Variants in VWC2 observed in about 807,000 individuals in gnomAD.
VWC2 encodes the protein von Willebrand factor C domain containing 2, also known as brorin.
A neutral mutation model predicts 29.8 loss-of-function variants in VWC2; 14 were observed. That is an observed-to-expected ratio of 0.47 (90% CI 0.31 to 0.74). The LOEUF is 0.74. Among genes scored for constraint, VWC2 ranks in the 30% least tolerant of loss-of-function variants. The pLI is 0.05. For synonymous variants in VWC2, 213 were observed against 199.0 expected (o/e 1.07, Z -0.59); for missense variants, 457 against 459.8 (o/e 0.99, Z 0.05).
chr7:49,838,212 CG>C (rs1189108179), intron 3 of VWC2, among the ~76,000 whole-genome samples: 2 of 152,176 alleles, frequency 1.3e-5, no homozygotes, highest in Non-Finnish European at 2.9e-5. Context: ...ACCTCAGTAA[CG>C]TAAGTACATG....
At chr7:49,793,574 T>G (rs1219748437) in intron 2 of VWC2, among the ~76,000 whole-genome samples, 1 of 149,598 alleles carries the variant, frequency 6.7e-6, no homozygotes, top group Non-Finnish European at 1.5e-5. Flanking sequence ...TATATATTCT[T>G]TTGCAACTTT....
rs1789177508 is a variant in VWC2 at position 49,817,665 on chromosome 7, C to T, written c.826+14825C>T. Among the ~76,000 whole-genome samples the T allele has an allele frequency of 1.3e-5, 2 of 152,186 alleles. 1 individual carries two copies. The highest frequency in any genetic ancestry group is 4.1e-4 in the South Asian group (2 of 4,836). ...ACTTCAGGTATAAAAGAGTCCATTA[C>T]CCCAGGAGGTATCCATAAACCTCCA... is the stretch of plus-strand genomic sequence containing the variant. On this transcript the variant is annotated intron_variant, in intron 3 of 3. Coordinates refer to ENST00000340652, the MANE Select transcript of VWC2 (RefSeq NM_198570.5).
chr7:49,853,187 T>C (rs2128717298), intron 3 of VWC2, among the ~76,000 whole-genome samples: 1 of 152,326 alleles, frequency 6.6e-6, no homozygotes, highest in Non-Finnish European at 1.5e-5. Flanking sequence ...GGATCCCAGT[T>C]TGAAGGTGAG....
intron 2 of VWC2, 91 bp from the exon 3 acceptor site, chr7:49,802,619 CA>C (rs1278716480): frequency 6.5e-7 from 1 of 1,534,192 alleles, no homozygotes; most frequent in African/African-American, 1.4e-5. Context: ...GTGTGAGCGA[CA>C]GAGCGAGACT....
intron 2 of VWC2, among the ~76,000 whole-genome samples, chr7:49,783,657 T>C (rs1384049541): frequency 6.6e-6 from 1 of 152,198 alleles, no homozygotes; most frequent in African/African-American, 2.4e-5. Flanking sequence ...ATAGACTGCC[T>C]TTCAAATCTG....
chr7:49,836,566 G>A lies in VWC2; in HGVS notation c.826+33726G>A, dbSNP rs149671564. ...AGGCAGGAGAATTGCTTGAACTCCAGAGGCGGAGGTTTCAATGAGCTGAGA... is the reference window on the plus strand; with the variant it reads ...AGGCAGGAGAATTGCTTGAACTCCAAAGGCGGAGGTTTCAATGAGCTGAGA... On this transcript the variant is annotated intron_variant, in intron 3 of 3. Coordinates refer to ENST00000340652, the MANE Select transcript of VWC2 (RefSeq NM_198570.5). Among the ~76,000 whole-genome samples the A allele has an allele frequency of 5.1e-3, 772 of 151,442 alleles. 6 individuals carry two copies. Among genetic ancestry groups the A allele is most frequent in the African/African-American group, 0.017 (715 of 41,240 alleles).
chr7:49,790,508 C>T (rs1022913610), intron 2 of VWC2, among the ~76,000 whole-genome samples: 2 of 152,166 alleles, frequency 1.3e-5, no homozygotes, highest in Non-Finnish European at 2.9e-5. Flanking sequence ...TCTCTCTGTC[C>T]TTAGTTTCTG....
At chr7:49,804,352 G>C (rs559897155) in intron 3 of VWC2, among the ~76,000 whole-genome samples, 7 of 151,996 alleles carry the variant, frequency 4.6e-5, no homozygotes, top group Admixed American at 4.6e-4. Flanking sequence ...CAGCACACCC[G>C]CTGAGGAGCC....
chr7:49,851,935 GT>G (rs1790195940), intron 3 of VWC2, among the ~76,000 whole-genome samples: 1 of 152,132 alleles, frequency 6.6e-6, no homozygotes, highest in Non-Finnish European at 1.5e-5. Flanking sequence ...CTAAAGTTCA[GT>G]GGGCTCTTTC....
intron 3 of VWC2, among the ~76,000 whole-genome samples, chr7:49,857,072 AT>A (rs1401447104): frequency 1.4e-5 from 2 of 142,588 alleles, no homozygotes; most frequent in African/African-American, 2.5e-5. Flanking sequence ...TTCTTAACAA[AT>A]TTTTAGGTGC....
At chr7:49,800,535 T>C (rs1481786757) in intron 2 of VWC2, among the ~76,000 whole-genome samples, 3 of 152,088 alleles carry the variant, frequency 2.0e-5, no homozygotes, top group African/African-American at 4.8e-5. Flanking sequence ...CTGATCTCTA[T>C]AGGGGGATGG....
rs1349495927 is a variant in VWC2 at position 49,831,441 on chromosome 7, T to G, written c.826+28601T>G. Among the ~76,000 whole-genome samples the G allele has an allele frequency of 4.6e-5, 7 of 152,306 alleles. No homozygotes were observed. In the East Asian group the frequency reaches 1.4e-3, roughly 29 times the overall value. On this transcript the variant is annotated intron_variant, in intron 3 of 3. Transcript: ENST00000340652. ...ACTAACCTGGAGAACATGTAGGGAC[T>G]TCAGGGGAGAAATATTATGATACTT...
intron 3 of VWC2, among the ~76,000 whole-genome samples, chr7:49,868,767 G>A (rs1376963662): frequency 1.3e-5 from 2 of 152,134 alleles, no homozygotes; most frequent in African/African-American, 4.8e-5. Context: ...ACAGGCGTGT[G>A]CCACCATGCC....
At chr7:49,780,354 CA>C (rs1788147423) in intron 2 of VWC2, among the ~76,000 whole-genome samples, 2 of 152,108 alleles carry the variant, frequency 1.3e-5, no homozygotes, top group Non-Finnish European at 2.9e-5. Flanking sequence ...CTGTATTGAG[CA>C]GTTGTAAATT....
chr7:49,809,961 G>A (rs1255731822), intron 3 of VWC2, among the ~76,000 whole-genome samples: 4 of 151,912 alleles, frequency 2.6e-5, no homozygotes, highest in Admixed American at 2.0e-4. Context: ...AGAAGGTAAG[G>A]ATATCCATAT....
At chr7:49,842,482 G>A (rs1789821294) in intron 3 of VWC2, among the ~76,000 whole-genome samples, 2 of 152,164 alleles carry the variant, frequency 1.3e-5, no homozygotes, top group African/African-American at 4.8e-5. Context: ...GAGAGTAAAT[G>A]AGATTAAGAA....
At chr7:49,905,897 G>T in intron 3 of VWC2, among the ~76,000 whole-genome samples, 1 of 152,176 alleles carries the variant, frequency 6.6e-6, no homozygotes, top group African/African-American at 2.4e-5. Flanking sequence ...CATCCTCACT[G>T]CTACACTCCC....
In VWC2 at chr7:49,775,577, C is replaced by A; in HGVS notation, c.142C>A (p.Arg48Ser). 1 of 1,539,982 alleles carries A rather than the reference C, an allele frequency of 6.5e-7. No individual in the cohort carries two copies. The highest frequency in any genetic ancestry group is 8.7e-7 in the Non-Finnish European group (1 of 1,145,226). Residue 48 changes from arginine to serine, a missense_variant, in exon 2 of 4, where the codon CGT becomes AGT. Around this residue, in one of 2 missense-constraint regions of VWC2, gnomAD observed 272 missense variants for 202.7 expected, o/e 1.34. Coordinates refer to ENST00000340652, the MANE Select transcript of VWC2 (RefSeq NM_198570.5). ...QAPEQPGQEK[R>S]EHASRDGPGR... ...ACCAGAGCAGCCGGGCCAGGAGAAG[C>A]GTGAGCACGCCTCTCGGGACGGCCC... is the stretch of plus-strand genomic sequence containing the variant.
chr7:49,821,467 A>G, intron 3 of VWC2, among the ~76,000 whole-genome samples: 1 of 152,228 alleles, frequency 6.6e-6, no homozygotes, highest in Non-Finnish European at 1.5e-5. Context: ...AACATGACTC[A>G]TTTTCAACTG....
Sources: gnomAD v4.1 joint callset for allele counts (sites outside exome capture counted in the v4.1 genomes callset) on GRCh38, gnomAD v4.1.1 for gene constraint, gnomAD v4.1.1 regional missense constraint, MANE v1.5 for transcripts, NCBI Gene and HGNC (gene_info 2026-07-23, HGNC 2026-07-21) for gene names.